RPS6KA5: variants seen among roughly 807,000 people sequenced by gnomAD.
RPS6KA5 encodes ribosomal protein S6 kinase alpha-5.
Under a neutral mutation model 85.5 loss-of-function variants are expected in RPS6KA5, and 27 were observed. The observed-to-expected ratio is 0.32, with a 90% CI of 0.23 to 0.44. RPS6KA5 has a LOEUF of 0.44. Ranked by LOEUF, RPS6KA5 falls within the 20% of genes least tolerant of loss-of-function variation. RPS6KA5 has a pLI of 1.00. For missense variants in RPS6KA5, 811 were observed against 980.9 expected (o/e 0.83, Z 2.31); for synonymous variants, 334 against 348.2 (o/e 0.96, Z 0.46).
chr14:90,872,147 G>C lies in RPS6KA5; in HGVS notation c.2336C>G (p.Thr779Arg), dbSNP rs778900661. Reference sequence around the variant, plus strand: ...GTCGGCAGGATTGCTGGGCTGCAGTGTCTTGGTGGGTGTAGTTTTACCGTG... The same window carrying C: ...GTCGGCAGGATTGCTGGGCTGCAGTCTCTTGGTGGGTGTAGTTTTACCGTG... Reference protein sequence around the residue: ...HSHGKTTPTKTLQPSNPADSN... With the variant: ...HSHGKTTPTKRLQPSNPADSN... The change falls in exon 17 of 17, where the codon ACA becomes AGA. Residue 779 changes from threonine to arginine, a missense_variant. Physicochemically the swap from Thr to Arg is moderately conservative, Grantham distance 71. This residue lies in a region of RPS6KA5 where 650 missense variants were observed against 793.4 expected (regional missense o/e 0.82). Coordinates refer to ENST00000614987, the MANE Select transcript of RPS6KA5 (RefSeq NM_004755.4). The C allele has an allele frequency of 6.2e-7, 1 of 1,613,912 alleles. No individual in the cohort carries two copies. Among genetic ancestry groups the C allele is most frequent in the Non-Finnish European group, 8.5e-7 (1 of 1,180,002 alleles).
intron 1 of RPS6KA5, among the ~76,000 whole-genome samples, chr14:91,043,023 T>C (rs1384128669): frequency 1.3e-5 from 2 of 152,138 alleles, no homozygotes; most frequent in Non-Finnish European, 2.9e-5. Flanking sequence ...CCTCAATCCA[T>C]TCCAATCCGG....
chr14:91,033,452 AT>A (rs548740485), intron 1 of RPS6KA5, among the ~76,000 whole-genome samples: 2,182 of 152,004 alleles, frequency 0.014, 18 homozygotes, highest in Non-Finnish European at 0.022. Flanking sequence ...AATACAAAAA[AT>A]TAGCTGGGTG....
chr14:90,916,080 T>C lies in RPS6KA5; in HGVS notation c.806+4126A>G, dbSNP rs115691924. On this transcript the variant is annotated intron_variant, in intron 7 of 16. Coordinates refer to ENST00000614987, the MANE Select transcript of RPS6KA5 (RefSeq NM_004755.4). ...TAAAGTAATGTCTGGAAAGAAATAA[T>C]AGAATTATTCCATGTTCTTGAGCAG... is the stretch of plus-strand genomic sequence containing the variant. 5.0e-3 allele frequency among the ~76,000 whole-genome samples: 765 copies of C among 152,264 alleles called. 4 individuals are homozygous for C. Among genetic ancestry groups the C allele is most frequent in the Middle Eastern group, 0.027 (8 of 294 alleles).
At chr14:90,911,619 C>T (rs1031839123) in intron 7 of RPS6KA5, 1 of 152,158 alleles carries the variant, frequency 6.6e-6, no homozygotes, top group African/African-American at 2.4e-5. Flanking sequence ...GGTGTATCCA[C>T]TCAATAGTAC....
At chr14:90,912,904 CTTTTTT>C (rs57029403) in intron 7 of RPS6KA5, among the ~76,000 whole-genome samples, 10 of 53,298 alleles carry the variant, frequency 1.9e-4, no homozygotes, top group East Asian at 1.4e-3. Context: ...CATAAAGCAT[CTTTTTT>C]TTTTTTTTTT....
In RPS6KA5 at chr14:90,857,524, G is replaced by A. The variant is rs2032340997; in HGVS notation, c.*14550C>T. On this transcript the variant is annotated 3_prime_UTR_variant, in exon 17 of 17. Coordinates refer to ENST00000614987, the MANE Select transcript of RPS6KA5 (RefSeq NM_004755.4). ...AGTTCCTGGAGTTTCAACTCAAATTGTCAAATAATTGTGCTCCCGGTGAGA... is the reference window on the plus strand; with the variant it reads ...AGTTCCTGGAGTTTCAACTCAAATTATCAAATAATTGTGCTCCCGGTGAGA... The A allele has an allele frequency of 6.6e-6, 1 of 152,314 alleles. No individual in the cohort carries two copies. The highest frequency in any genetic ancestry group is 1.5e-5 in the Non-Finnish European group (1 of 68,026). 9.4% of individuals were successfully genotyped at this position (152,314 alleles called of 1,614,324 possible). A position where few individuals can be genotyped will look rare whatever the true frequency, so the allele number is the denominator to read the frequency against.
At chr14:90,966,722 AC>A (rs1319754620) in intron 3 of RPS6KA5, among the ~76,000 whole-genome samples, 7 of 152,240 alleles carry the variant, frequency 4.6e-5, no homozygotes, top group Admixed American at 2.0e-4. Context: ...CCTATCGAAT[AC>A]AAGGCACTAA....
chr14:91,020,354 A>G (rs1346773838), intron 1 of RPS6KA5, among the ~76,000 whole-genome samples: 1 of 152,234 alleles, frequency 6.6e-6, no homozygotes, highest in African/African-American at 2.4e-5. Context: ...ACAATAATTT[A>G]CATACAATTT....
At chr14:90,933,840 C>T (rs1046905753) in intron 5 of RPS6KA5, among the ~76,000 whole-genome samples, 4 of 152,172 alleles carry the variant, frequency 2.6e-5, no homozygotes, top group Non-Finnish European at 2.9e-5. Context: ...ATGCCCACAA[C>T]GGCCTCTAAC....
chr14:90,994,624 T>G (rs1006985546), intron 2 of RPS6KA5, among the ~76,000 whole-genome samples: 6 of 138,226 alleles, frequency 4.3e-5, no homozygotes, highest in African/African-American at 1.4e-4. Context: ...CAGGCTGGAG[T>G]GCAGTGGTGT....
chr14:91,016,123 G>T (rs994586987), intron 1 of RPS6KA5, among the ~76,000 whole-genome samples: 1 of 152,186 alleles, frequency 6.6e-6, no homozygotes, highest in South Asian at 2.1e-4. Context: ...CTGAAACGAA[G>T]TTAAGCAATT....
chr14:90,897,334 C>T (rs2034895665), intron 12 of RPS6KA5, among the ~76,000 whole-genome samples: 5 of 152,176 alleles, frequency 3.3e-5, no homozygotes, highest in Admixed American at 3.3e-4. Context: ...TTTTGGACTT[C>T]TGACCTCCAG....
chr14:90,934,671 G>A (rs540310587), intron 5 of RPS6KA5, among the ~76,000 whole-genome samples: 10 of 152,046 alleles, frequency 6.6e-5, no homozygotes, highest in South Asian at 6.2e-4. Flanking sequence ...AAAAAAAATC[G>A]TATTATGAAT....
At chr14:91,030,434 G>A (rs1252537500) in intron 1 of RPS6KA5, among the ~76,000 whole-genome samples, 1 of 151,856 alleles carries the variant, frequency 6.6e-6, no homozygotes, top group African/African-American at 2.4e-5. Flanking sequence ...GAACAAACTT[G>A]GGTAAAAGTT....
Position 90,871,640 on chromosome 14 carries a change from C to T in RPS6KA5, c.*434G>A, listed in dbSNP as rs537044952. On this transcript the variant is annotated 3_prime_UTR_variant, in exon 17 of 17. Transcript: ENST00000614987. ...TTCATTACAGAATCTTTTTTGAAAACAGACCCCTTTCTCTGATAAATCATT... is the reference window on the plus strand; with the variant it reads ...TTCATTACAGAATCTTTTTTGAAAATAGACCCCTTTCTCTGATAAATCATT... 6.5e-6 allele frequency: 1 copy of T among 153,304 alleles called. No individual in the cohort carries two copies. Among genetic ancestry groups the T allele is most frequent in the South Asian group, 2.1e-4 (1 of 4,860 alleles). The allele number at this position is 153,304 out of a possible 1,614,324, so 9.5% of individuals were successfully genotyped here. A position where few individuals can be genotyped will look rare whatever the true frequency, so the allele number is the denominator to read the frequency against.
intron 5 of RPS6KA5, among the ~76,000 whole-genome samples, chr14:90,924,819 G>T (rs768769805): frequency 7.2e-5 from 11 of 152,188 alleles, no homozygotes; most frequent in Non-Finnish European, 1.3e-4. Flanking sequence ...CTTCTAGGGA[G>T]GAATCCCAAT....
chr14:91,023,927 C>T (rs777474825), intron 1 of RPS6KA5, among the ~76,000 whole-genome samples: 5 of 152,126 alleles, frequency 3.3e-5, no homozygotes, highest in Admixed American at 1.3e-4. Flanking sequence ...TTCCCCAGTA[C>T]CTAGTAAGCC....
In RPS6KA5 at chr14:90,906,419, A is replaced by C. The variant is rs556795267; in HGVS notation, c.807-120T>G. 2.3e-5 allele frequency: 16 copies of C among 688,756 alleles called. No individual in the cohort carries two copies. The African/African-American group carries it at 2.5e-4, about 11-fold the overall frequency. The allele number at this position is 688,756 out of a possible 1,614,324, so 42.7% of individuals were successfully genotyped here. ...AAGAGAGATATAAATACTTAACATG[A>C]ATCAATAATACCTCAATACTGTTGA... On this transcript the variant is annotated intron_variant, in intron 7 of 16. Coordinates refer to ENST00000614987, the MANE Select transcript of RPS6KA5 (RefSeq NM_004755.4).
At position 91,060,445 on chromosome 14, in the gene RPS6KA5, T is replaced by C. The variant is rs774261248; in HGVS notation, c.-11A>G. ...ACCCTCCTCCTCCATCTTCTCCTTT[T>C]TTTCCGATCCCGCGGGTCGCTACGA... On this transcript the variant is annotated 5_prime_UTR_variant, in exon 1 of 17. Transcript: ENST00000614987. 1 of 1,456,096 alleles carries C rather than the reference T, an allele frequency of 6.9e-7. No individual in the cohort carries two copies. The highest frequency in any genetic ancestry group is 9.1e-7 in the Non-Finnish European group (1 of 1,093,314). The allele number at this position is 1,456,096 out of a possible 1,614,324, so 90.2% of individuals were successfully genotyped here. A position where few individuals can be genotyped will look rare whatever the true frequency, so the allele number is the denominator to read the frequency against.
Sources: allele counts gnomAD v4.1 joint callset (sites outside exome capture counted in the v4.1 genomes callset), GRCh38; gene constraint gnomAD v4.1.1; regional missense constraint gnomAD v4.1.1; transcripts MANE v1.5; gene names NCBI Gene and HGNC (gene_info 2026-07-23, HGNC 2026-07-21).